Variants in LRP1B observed in about 807,000 individuals in gnomAD.
The protein encoded by LRP1B is LDL receptor related protein 1B.
Under a neutral mutation model 556.6 loss-of-function variants are expected in LRP1B, and 217 were observed. That is an observed-to-expected ratio of 0.39 (90% CI 0.35 to 0.44). The LOEUF (loss-of-function observed/expected upper bound fraction) is 0.44. LRP1B is among the 20% of genes least tolerant of loss of function. LRP1B has a pLI of 1.00. For missense variants in LRP1B, 5,053 were observed against 5,620.8 expected (o/e 0.90, Z 3.23); for synonymous variants, 2,047 against 1,865.8 (o/e 1.10, Z -2.50).
chr2:140,771,075 C>A (rs2104939877), intron 33 of LRP1B, 69 bp from the exon 34 acceptor site: 1 of 1,178,084 alleles, frequency 8.5e-7, no homozygotes, highest in South Asian at 1.5e-5. Flanking sequence ...TATTTAACGT[C>A]AATAATTTGA....
chr2:141,531,696 A>G (rs908752270), intron 2 of LRP1B, among the ~76,000 whole-genome samples: 3 of 152,136 alleles, frequency 2.0e-5, no homozygotes, highest in African/African-American at 2.4e-5. Context: ...TTACATAAGG[A>G]TGGATTAGAC....
intron 43 of LRP1B, among the ~76,000 whole-genome samples, chr2:140,542,307 A>T (rs1028988710): frequency 2.6e-5 from 4 of 152,228 alleles, no homozygotes; most frequent in African/African-American, 9.6e-5. Flanking sequence ...AACATTTATT[A>T]ACCTTTAGTA....
chr2:141,130,984 TG>T (rs201608883), intron 7 of LRP1B, among the ~76,000 whole-genome samples: 8,591 of 152,086 alleles, frequency 0.056, 298 homozygotes, highest in African/African-American at 0.099. Context: ...TGAGAACACA[TG>T]GACACAGGGA....
At chr2:140,922,891 A>G (rs1054518731) in intron 21 of LRP1B, 74 bp downstream of exon 21, 2 of 1,290,420 alleles carry the variant, frequency 1.5e-6, no homozygotes, top group Admixed American at 4.5e-5. Flanking sequence ...AAGGTGAGAT[A>G]CAGATTCAGC....
At chr2:141,930,107 C>A (rs552283329) in intron 1 of LRP1B, among the ~76,000 whole-genome samples, 87 of 151,820 alleles carry the variant, frequency 5.7e-4, no homozygotes, top group Non-Finnish European at 1.1e-3. Context: ...TTTCCAGGAA[C>A]CCGTGGCACA....
intron 1 of LRP1B, among the ~76,000 whole-genome samples, chr2:142,036,648 A>AT (rs988088525): frequency 1.3e-5 from 2 of 151,584 alleles, no homozygotes; most frequent in African/African-American, 4.8e-5. Context: ...TATACATTGC[A>AT]TTTTTTTGAC....
At chr2:141,623,340 C>G (rs903019742) in intron 2 of LRP1B, among the ~76,000 whole-genome samples, 1 of 152,066 alleles carries the variant, frequency 6.6e-6, no homozygotes, top group South Asian at 2.1e-4. Context: ...TAAAAATAAG[C>G]AACTATTTGT....
At chr2:140,973,055 TATATA>T (rs1558774314) in intron 18 of LRP1B, among the ~76,000 whole-genome samples, 12 of 8,040 alleles carry the variant, frequency 1.5e-3, no homozygotes, top group South Asian at 9.7e-3. Context: ...TTTCATTTTA[TATATA>T]TATATATATA....
At chr2:141,216,467 G>A (rs754092521) in intron 6 of LRP1B, among the ~76,000 whole-genome samples, 1 of 152,190 alleles carries the variant, frequency 6.6e-6, no homozygotes, top group Non-Finnish European at 1.5e-5. Flanking sequence ...TGTGGGGTTG[G>A]AGCCTCCACT....
At chr2:141,527,399 A>G (rs1684725439) in intron 2 of LRP1B, among the ~76,000 whole-genome samples, 1 of 150,676 alleles carries the variant, frequency 6.6e-6, no homozygotes, top group Non-Finnish European at 1.5e-5. Flanking sequence ...AAACAGAAAA[A>G]TACAGGCATT....
intron 1 of LRP1B, among the ~76,000 whole-genome samples, chr2:141,970,798 G>GA (rs1230593493): frequency 1.3e-5 from 2 of 151,466 alleles, no homozygotes; most frequent in Non-Finnish European, 3.0e-5. Flanking sequence ...AAAGAAAGAA[G>GA]AAAAAGTGAA....
chr2:140,984,701 G>A (rs1325175805), intron 17 of LRP1B, among the ~76,000 whole-genome samples: 7 of 152,056 alleles, frequency 4.6e-5, no homozygotes, highest in Non-Finnish European at 1.0e-4. Flanking sequence ...GAAGCTGGAG[G>A]AACTGTTATG....
intron 1 of LRP1B, among the ~76,000 whole-genome samples, chr2:141,816,543 T>C (rs1392830501): frequency 6.6e-6 from 1 of 152,186 alleles, no homozygotes; most frequent in Non-Finnish European, 1.5e-5. Flanking sequence ...AAGGCTACAC[T>C]ATCAGCTTCC....
chr2:141,291,156 T>C (rs1284208256), intron 3 of LRP1B, among the ~76,000 whole-genome samples: 1 of 152,190 alleles, frequency 6.6e-6, no homozygotes, highest in African/African-American at 2.4e-5. Flanking sequence ...CAGCCAGTAA[T>C]ATTACAGGAA....
intron 3 of LRP1B, among the ~76,000 whole-genome samples, chr2:141,409,568 T>G (rs6429873): frequency 6.6e-6 from 1 of 151,840 alleles, no homozygotes. Context: ...CCAAGAAATA[T>G]TTTAATATGT....
At chr2:141,173,979 A>G (rs1680622998) in intron 7 of LRP1B, among the ~76,000 whole-genome samples, 1 of 152,046 alleles carries the variant, frequency 6.6e-6, no homozygotes, top group South Asian at 2.1e-4. Flanking sequence ...TATTTTAGAT[A>G]GCATTCTATC....
At chr2:141,303,802 T>G (rs904600169) in intron 3 of LRP1B, among the ~76,000 whole-genome samples, 1 of 152,200 alleles carries the variant, frequency 6.6e-6, no homozygotes, top group South Asian at 2.1e-4. Flanking sequence ...CTGAATTGTA[T>G]GGTAGTTCTA....
chr2:141,181,571 C>T (rs1680994972), intron 7 of LRP1B, among the ~76,000 whole-genome samples: 1 of 151,682 alleles, frequency 6.6e-6, no homozygotes, highest in African/African-American at 2.4e-5. Context: ...AAAAAAATGG[C>T]AAAGGGAGCA....
In LRP1B at chr2:141,045,425, AAAAT is replaced by A. The variant is rs1425708766; in HGVS notation, c.1789+3557_1789+3560del. On this transcript the variant is annotated intron_variant, in intron 11 of 90. Transcript: ENST00000389484. ...CCCTAAAACTTAAAGTGTAATAATA[AAAAT>A]AAATAAATTAATTAATTAATTAAAA... Among the ~76,000 whole-genome samples, 395 of 119,978 alleles carry A rather than the reference AAAAT, an allele frequency of 3.3e-3. 4 individuals are homozygous for A. The highest frequency in any genetic ancestry group is 0.032 in the East Asian group (137 of 4,222). 78.7% of individuals were successfully genotyped at this position (119,978 alleles called of 152,430 possible). A position where few individuals can be genotyped will look rare whatever the true frequency, so the allele number is the denominator to read the frequency against.
Sources: gnomAD v4.1 joint callset for allele counts (sites outside exome capture counted in the v4.1 genomes callset) on GRCh38, gnomAD v4.1.1 for gene constraint, MANE v1.5 for transcripts, NCBI Gene and HGNC (gene_info 2026-07-23, HGNC 2026-07-21) for gene names.